NUBPL: variants seen among roughly 807,000 people sequenced by gnomAD.
NUBPL encodes iron-sulfur cluster transfer protein NUBPL.
In NUBPL, 31 loss-of-function variants were observed where a neutral mutation model predicts 45.7. The ratio of observed to expected loss-of-function variants is 0.68; its 90% CI spans 0.51 to 0.92. The LOEUF (loss-of-function observed/expected upper bound fraction) is 0.92, where lower values mean the gene tolerates loss of function less well. Among genes scored for constraint, NUBPL ranks in the 40% least tolerant of loss-of-function variants. NUBPL has a pLI of 0.00. For synonymous variants in NUBPL, 144 were observed against 140.9 expected, an observed-to-expected ratio of 1.02 and a Z score of -0.15; for missense variants, 401 against 398.7, an observed-to-expected ratio of 1.01 and a Z score of -0.05.
intron 4 of NUBPL, among the ~76,000 whole-genome samples, chr14:31,634,298 C>T (rs1238785176): frequency 1.5e-5 from 2 of 132,644 alleles, no homozygotes; most frequent in Non-Finnish European, 3.1e-5. Context: ...TCCATGTGTT[C>T]TCATTGTTCA....
Position 31,690,499 on chromosome 14 carries a change from A to G in NUBPL, c.513+16925A>G, listed in dbSNP as rs192258535. On this transcript the variant is annotated intron_variant, in intron 6 of 10. Coordinates refer to ENST00000281081, the MANE Select transcript of NUBPL (RefSeq NM_025152.3). ...CTTGCCCTCAAACACAACATCTTTA[A>G]TGTATCCTCTAGATCAGGGGGTTGT... 1.6e-3 allele frequency among the ~76,000 whole-genome samples: 248 copies of G among 152,250 alleles called. No homozygotes were observed. The Middle Eastern group carries it at 0.017, about 10-fold the overall frequency.
intron 7 of NUBPL, among the ~76,000 whole-genome samples, chr14:31,799,082 A>G (rs997976215): frequency 1.4e-4 from 21 of 152,154 alleles, no homozygotes; most frequent in Non-Finnish European, 2.6e-4. Context: ...GCATTTCTAT[A>G]AGCTATGTTG....
chr14:31,836,440 A>G (rs2040282625), intron 8 of NUBPL, among the ~76,000 whole-genome samples: 1 of 152,238 alleles, frequency 6.6e-6, no homozygotes, highest in Non-Finnish European at 1.5e-5. Context: ...AAGGATATAC[A>G]CAATAGCTCT....
At chr14:31,665,977 G>A (rs879774479) in intron 4 of NUBPL, among the ~76,000 whole-genome samples, 3 of 151,734 alleles carry the variant, frequency 2.0e-5, no homozygotes, top group Non-Finnish European at 4.4e-5. Context: ...TTACTATTAT[G>A]TAATGCTCTT....
chr14:31,580,929 T>C (rs1258354160), intron 3 of NUBPL, among the ~76,000 whole-genome samples: 1 of 152,202 alleles, frequency 6.6e-6, no homozygotes, highest in Non-Finnish European at 1.5e-5. Context: ...TTTTTTTCTG[T>C]GTACAGTGTA....
intron 6 of NUBPL, among the ~76,000 whole-genome samples, chr14:31,698,522 C>A (rs1345300558): frequency 6.6e-6 from 1 of 152,122 alleles, no homozygotes; most frequent in Non-Finnish European, 1.5e-5. Flanking sequence ...ACTCTCATGT[C>A]AGTAATTTCA....
chr14:31,823,759 G>C (rs1038344119), intron 7 of NUBPL, among the ~76,000 whole-genome samples: 1 of 152,040 alleles, frequency 6.6e-6, no homozygotes, highest in South Asian at 2.1e-4. Flanking sequence ...TATACAGCTG[G>C]ATACAGCCAG....
In NUBPL at chr14:31,777,797, A is replaced by C. The variant is rs115466963; in HGVS notation, c.514-9983A>C. Reference sequence around the variant, plus strand: ...TACAGCAGCAAGTATTAGCGATAGCAGAAACACCACCCTGTGCAGTGAGGT... The same window carrying C: ...TACAGCAGCAAGTATTAGCGATAGCCGAAACACCACCCTGTGCAGTGAGGT... On this transcript the variant is annotated intron_variant, in intron 6 of 10. Transcript: ENST00000281081. 6.5e-3 allele frequency among the ~76,000 whole-genome samples: 995 copies of C among 152,350 alleles called. 12 individuals carry two copies. Among genetic ancestry groups the C allele is most frequent in the African/African-American group, 0.022 (932 of 41,592 alleles).
Position 31,850,100 on chromosome 14 carries a change from G to A in NUBPL, c.815-19G>A, listed in dbSNP as rs559814561. The A allele has an allele frequency of 1.9e-6, 3 of 1,595,284 alleles. No homozygotes were observed. The highest frequency in any genetic ancestry group is 1.7e-5 in the Admixed American group (1 of 59,970). On this transcript the variant is annotated intron_variant, in intron 9 of 10. Coordinates refer to ENST00000281081, the MANE Select transcript of NUBPL (RefSeq NM_025152.3). ...ATGAACTTTTCTGGTTCTAATGGATGTCTGCTGGGCTCTTTTAGGAGACAT... is the reference window on the plus strand; with the variant it reads ...ATGAACTTTTCTGGTTCTAATGGATATCTGCTGGGCTCTTTTAGGAGACAT...
intron 4 of NUBPL, among the ~76,000 whole-genome samples, chr14:31,623,156 G>A (rs1363082458): frequency 6.6e-6 from 1 of 152,224 alleles, no homozygotes; most frequent in Non-Finnish European, 1.5e-5. Context: ...CTGCCCTACT[G>A]GATTTTGGAC....
chr14:31,784,611 C>T (rs748317344), intron 6 of NUBPL, among the ~76,000 whole-genome samples: 19 of 152,046 alleles, frequency 1.2e-4, no homozygotes, highest in Non-Finnish European at 4.4e-5. Flanking sequence ...AAAGCTCCAG[C>T]AGCTTAGATT....
chr14:31,812,414 A>T (rs1455660495), intron 7 of NUBPL, among the ~76,000 whole-genome samples: 1 of 151,870 alleles, frequency 6.6e-6, no homozygotes, highest in Non-Finnish European at 1.5e-5. Context: ...AGTGAACAAG[A>T]CTCCGTGGGC....
intron 4 of NUBPL, among the ~76,000 whole-genome samples, chr14:31,633,260 C>T (rs1353404305): frequency 1.3e-5 from 2 of 152,170 alleles, no homozygotes; most frequent in African/African-American, 2.4e-5. Flanking sequence ...AACTGGCAGC[C>T]GAGGTGGGTT....
intron 4 of NUBPL, among the ~76,000 whole-genome samples, chr14:31,615,678 T>G (rs2034879984): frequency 1.3e-5 from 2 of 152,250 alleles, no homozygotes; most frequent in Non-Finnish European, 2.9e-5. Context: ...TGCCATATTT[T>G]CTTTATCCAG....
At chr14:31,636,665 G>T (rs2035511557) in intron 4 of NUBPL, among the ~76,000 whole-genome samples, 1 of 152,168 alleles carries the variant, frequency 6.6e-6, no homozygotes, top group Non-Finnish European at 1.5e-5. Flanking sequence ...AGAAGGAATG[G>T]TACCAGTTCC....
chr14:31,567,490 T>G (rs2033467158), intron 3 of NUBPL, among the ~76,000 whole-genome samples: 1 of 152,256 alleles, frequency 6.6e-6, no homozygotes, highest in South Asian at 2.1e-4. Flanking sequence ...GATCTCTTTG[T>G]CTTTTGCTCT....
chr14:31,710,637 C>G (rs1247389069), intron 6 of NUBPL, among the ~76,000 whole-genome samples: 1 of 152,188 alleles, frequency 6.6e-6, no homozygotes, highest in Non-Finnish European at 1.5e-5. Context: ...GTACTGGAAC[C>G]TTACCCGTGT....
chr14:31,619,968 G>T (rs983760305), intron 4 of NUBPL, among the ~76,000 whole-genome samples: 14 of 151,872 alleles, frequency 9.2e-5, no homozygotes, highest in Admixed American at 2.0e-4. Context: ...TTTCTGGGAG[G>T]CTTTGTTTGC....
At chr14:31,672,704 C>T (rs895317108) in intron 4 of NUBPL, among the ~76,000 whole-genome samples, 1 of 152,126 alleles carries the variant, frequency 6.6e-6, no homozygotes, top group African/African-American at 2.4e-5. Context: ...CTCAAGTAAT[C>T]CACCCACCTT....
Sources: allele counts gnomAD v4.1 joint callset (sites outside exome capture counted in the v4.1 genomes callset), GRCh38; gene constraint gnomAD v4.1.1; transcripts MANE v1.5; gene names NCBI Gene and HGNC (gene_info 2026-07-23, HGNC 2026-07-21).